The following AUTS2 variants were observed in gnomAD, a reference collection of about 807,000 sequenced individuals.
AUTS2 encodes activator of transcription and developmental regulator AUTS2.
AUTS2 carries 17 observed loss-of-function variants against 112.4 expected under a neutral mutation model. The ratio of observed to expected loss-of-function variants is 0.15; its 90% CI spans 0.10 to 0.23. The LOEUF (loss-of-function observed/expected upper bound fraction) is 0.23, where lower values mean the gene tolerates loss of function less well. AUTS2 is among the 10% of genes least tolerant of loss of function. The pLI, the probability that AUTS2 is intolerant of heterozygous loss-of-function variation, is 1.00. For synonymous variants in AUTS2, 751 were observed against 702.7 expected (o/e 1.07, Z -1.09); for missense variants, 1,510 against 1,701.6 (o/e 0.89, Z 1.98).
At chr7:70,412,963 C>G (rs1794837514) in intron 4 of AUTS2, among the ~76,000 whole-genome samples, 1 of 152,200 alleles carries the variant, frequency 6.6e-6, no homozygotes, top group Non-Finnish European at 1.5e-5. Context: ...GCACTGCAGT[C>G]TGGGCGACAG....
At chr7:69,928,645 G>A (rs964243001) in intron 2 of AUTS2, among the ~76,000 whole-genome samples, 1 of 152,170 alleles carries the variant, frequency 6.6e-6, no homozygotes, top group African/African-American at 2.4e-5. Flanking sequence ...GCTCCATGCT[G>A]CATTAGGCAC....
intron 1 of AUTS2, among the ~76,000 whole-genome samples, chr7:69,662,506 G>A (rs578101815): frequency 6.6e-6 from 1 of 152,260 alleles, no homozygotes; most frequent in African/African-American, 2.4e-5. Context: ...TGTCTCCATA[G>A]GTTGCCAAGT....
At chr7:70,213,284 T>C (rs907299595) in intron 4 of AUTS2, among the ~76,000 whole-genome samples, 2 of 151,602 alleles carry the variant, frequency 1.3e-5, no homozygotes, top group Admixed American at 6.6e-5. Context: ...ACCAGTACTT[T>C]GTGAGTCTGA....
intron 5 of AUTS2, among the ~76,000 whole-genome samples, chr7:70,633,490 A>G (rs1032287796): frequency 1.3e-5 from 2 of 151,784 alleles, no homozygotes; most frequent in Non-Finnish European, 2.9e-5. Flanking sequence ...GGTCATCTGT[A>G]ATCCCAGCTG....
intron 4 of AUTS2, among the ~76,000 whole-genome samples, chr7:70,232,395 T>C (rs1812103413): frequency 2.0e-5 from 3 of 152,066 alleles, no homozygotes; most frequent in African/African-American, 7.2e-5. Context: ...ATGTGTAATT[T>C]AGGCTCTTGC....
chr7:70,775,947 A>T (rs1011994336), intron 13 of AUTS2, among the ~76,000 whole-genome samples: 1 of 152,232 alleles, frequency 6.6e-6, no homozygotes, highest in Non-Finnish European at 1.5e-5. Flanking sequence ...TAAGACAGAC[A>T]TGATGAATTG....
intron 4 of AUTS2, among the ~76,000 whole-genome samples, chr7:70,422,713 T>A (rs1051345429): frequency 6.6e-6 from 1 of 152,060 alleles, no homozygotes; most frequent in African/African-American, 2.4e-5. Flanking sequence ...GAGGCGGAAG[T>A]TGCAGTGAGC....
At chr7:70,100,443 A>T (rs1369876982) in intron 2 of AUTS2, among the ~76,000 whole-genome samples, 10 of 149,046 alleles carry the variant, frequency 6.7e-5, no homozygotes, top group South Asian at 2.1e-4. Context: ...TTTTTTTTTT[A>T]AATACTTTAA....
chr7:70,061,721 A>G (rs570941823), intron 2 of AUTS2, among the ~76,000 whole-genome samples: 11 of 151,728 alleles, frequency 7.2e-5, no homozygotes, highest in Non-Finnish European at 1.5e-4. Context: ...TGGATTAACT[A>G]TTTATTTGGT....
intron 5 of AUTS2, among the ~76,000 whole-genome samples, chr7:70,558,407 G>A (rs2129522111): frequency 6.6e-6 from 1 of 152,276 alleles, no homozygotes; most frequent in East Asian, 1.9e-4. Context: ...ACCCTTCCAT[G>A]AAGGGGCACC....
intron 2 of AUTS2, among the ~76,000 whole-genome samples, chr7:69,944,367 T>TG (rs370293823): frequency 1.9e-4 from 29 of 152,332 alleles, no homozygotes; most frequent in African/African-American, 6.3e-4. Flanking sequence ...CGTTTTTAGA[T>TG]GGAGACTGCT....
intron 4 of AUTS2, among the ~76,000 whole-genome samples, chr7:70,160,888 G>A (rs1055870789): frequency 3.3e-5 from 5 of 152,106 alleles, no homozygotes; most frequent in African/African-American, 1.2e-4. Context: ...ATCTTGTCAT[G>A]CCAGGCTCAA....
intron 6 of AUTS2, among the ~76,000 whole-genome samples, chr7:70,734,299 G>T (rs2129553151): frequency 6.6e-6 from 1 of 152,118 alleles, no homozygotes; most frequent in South Asian, 2.1e-4. Context: ...AATTAGCTGG[G>T]CATGGTGGCC....
At chr7:70,395,835 CCTCAG>C (rs750618228) in intron 4 of AUTS2, among the ~76,000 whole-genome samples, 9 of 152,178 alleles carry the variant, frequency 5.9e-5, no homozygotes, top group Non-Finnish European at 1.3e-4. Context: ...CTCTATTCAA[CCTCAG>C]CTTTTCTATC....
chr7:70,254,115 A>T (rs1786738655), intron 4 of AUTS2, among the ~76,000 whole-genome samples: 1 of 152,042 alleles, frequency 6.6e-6, no homozygotes, highest in South Asian at 2.1e-4. Flanking sequence ...TTTAAACTTC[A>T]TTCTGTTTAG....
intron 5 of AUTS2, among the ~76,000 whole-genome samples, chr7:70,668,606 C>G (rs1251902032): frequency 1.3e-5 from 2 of 152,222 alleles, no homozygotes; most frequent in Non-Finnish European, 2.9e-5. Context: ...GAGATCCTGA[C>G]AGGCATGTTC....
intron 2 of AUTS2, among the ~76,000 whole-genome samples, chr7:70,033,817 A>AG (rs1338741404): frequency 1.3e-5 from 2 of 151,720 alleles, no homozygotes; most frequent in African/African-American, 4.8e-5. Flanking sequence ...GGAGACGTGG[A>AG]GGGGCGGGGA....
intron 6 of AUTS2, among the ~76,000 whole-genome samples, chr7:70,745,978 T>C (rs1435849803): frequency 1.3e-5 from 2 of 152,196 alleles, no homozygotes; most frequent in African/African-American, 4.8e-5. Context: ...TAAAGGAACT[T>C]GCTTAGATTT....
intron 4 of AUTS2, among the ~76,000 whole-genome samples, chr7:70,432,833 A>T (rs1306805666): frequency 6.6e-6 from 1 of 152,192 alleles, no homozygotes; most frequent in South Asian, 2.1e-4. Flanking sequence ...CTCACGGCAA[A>T]GTCCTCAGGT....
Sources: allele counts gnomAD v4.1 joint callset (sites outside exome capture counted in the v4.1 genomes callset), GRCh38; gene constraint gnomAD v4.1.1; transcripts MANE v1.5; gene names NCBI Gene and HGNC (gene_info 2026-07-23, HGNC 2026-07-21).